The following VPS33B variants were observed in gnomAD, a reference collection of about 807,000 sequenced individuals.
The protein encoded by VPS33B is VPS33B late endosome and lysosome associated.
In VPS33B, 80 loss-of-function variants were observed where a neutral mutation model predicts 95.3. The ratio of observed to expected loss-of-function variants is 0.84; its 90% confidence interval spans 0.70 to 1.01. The LOEUF is 1.01. VPS33B is among the 50% of genes least tolerant of loss of function. The pLI is 0.00. For missense variants in VPS33B, 715 were observed against 773.4 expected (o/e 0.92, Z 0.90); for synonymous variants, 280 against 280.4 (o/e 1.00, Z 0.01).
At position 90,999,124 on chromosome 15, in the gene VPS33B, T is replaced by C. The variant is rs889835630; in HGVS notation, c.1775-70A>G. On this transcript the variant is annotated intron_variant, in intron 22 of 22. Transcript: ENST00000333371. This position sits in a 1 kb window ranked among gnomAD's most constrained non-coding sequence, Gnocchi z 5.1. ...GGCCCCAACGGCAACCCATAGAGCCTCTCCAGTTCCACAGTCCCCACGGGA... is the reference window on the plus strand; with the variant it reads ...GGCCCCAACGGCAACCCATAGAGCCCCTCCAGTTCCACAGTCCCCACGGGA... 21 of 1,450,570 alleles carry C rather than the reference T, an allele frequency of 1.4e-5. No individual in the cohort carries two copies. Among genetic ancestry groups the C allele is most frequent in the Non-Finnish European group, 2.0e-5 (21 of 1,039,374 alleles). The allele number at this position is 1,450,570 out of a possible 1,614,324, so 89.9% of individuals were successfully genotyped here. A position where few individuals can be genotyped will look rare whatever the true frequency, so the allele number is the denominator to read the frequency against.
At chr15:91,014,513 C>T in intron 3 of VPS33B, 80 bp from the exon 4 acceptor site, 1 of 1,519,086 alleles carries the variant, frequency 6.6e-7, no homozygotes, top group Admixed American at 1.7e-5. Context: ...GAAACAATAC[C>T]AACTCTTTTG....
chr15:91,013,824 C>T lies in VPS33B; in HGVS notation c.337G>A (p.Val113Met), dbSNP rs2040846390. 1 of 1,614,052 alleles carries T rather than the reference C, an allele frequency of 6.2e-7. No homozygotes were observed. Among genetic ancestry groups the T allele is most frequent in the South Asian group, 1.1e-5 (1 of 91,086 alleles). ...KLAGRTRKYK[V>M]IFSPQKFYAC... ...CTCACCTTTTGAGGGCTGAAGATCA[C>T]TTTGTATTTGCGAGTTCGGCCAGCC... Residue 113 changes from valine to methionine, a missense_variant, in exon 5 of 23, where the codon GTG becomes ATG. By Grantham distance (21) the Val-to-Met change is conservative. Coordinates refer to ENST00000333371, the MANE Select transcript of VPS33B (RefSeq NM_018668.5). This position sits in a 1 kb window ranked among gnomAD's most constrained non-coding sequence, Gnocchi z 4.5.
Position 91,015,811 on chromosome 15 carries a change from C to T in VPS33B, c.239+1152G>A, listed in dbSNP as rs141552048. Among the ~76,000 whole-genome samples the T allele has an allele frequency of 0.01, 1,550 of 152,216 alleles. 25 individuals are homozygous for T. The highest frequency in any genetic ancestry group is 0.035 in the African/African-American group (1,452 of 41,544). On this transcript the variant is annotated intron_variant, in intron 3 of 22. Coordinates refer to ENST00000333371, the MANE Select transcript of VPS33B (RefSeq NM_018668.5). This position sits in a 1 kb window ranked among gnomAD's most constrained non-coding sequence, Gnocchi z 4.7. Reference sequence around the variant, plus strand: ...CACCACTGCACTCCAGCCTGTGCAACAGAGTGAGACCCTGTCTCTGAAAAT... The same window carrying T: ...CACCACTGCACTCCAGCCTGTGCAATAGAGTGAGACCCTGTCTCTGAAAAT...
In VPS33B at chr15:91,000,896, T is replaced by G. The variant is rs1419189276; in HGVS notation, c.1480-305A>C. 5 of 418,050 alleles carry G rather than the reference T, an allele frequency of 1.2e-5. No individual in the cohort carries two copies. Among genetic ancestry groups the G allele is most frequent in the Non-Finnish European group, 1.8e-5 (4 of 223,114 alleles). 25.9% of individuals were successfully genotyped at this position (418,050 alleles called of 1,614,324 possible). ...TGTCACTGAAGCAGCACTTAGAATA[T>G]TCTCTGGCATTGGCAGGTGCTTGTT... On this transcript the variant is annotated intron_variant, in intron 19 of 22. Coordinates refer to ENST00000333371, the MANE Select transcript of VPS33B (RefSeq NM_018668.5). This position sits in a 1 kb window ranked among gnomAD's most constrained non-coding sequence, Gnocchi z 4.9.
chr15:91,000,058 A>T lies in VPS33B; in HGVS notation c.1582-83T>A, dbSNP rs1053860288. ...AAGGGCACAGCAGCCAGACTGTCAC[A>T]TTTCTTGCTCATTACTCAAGTAGCA... On this transcript the variant is annotated intron_variant, in intron 20 of 22. Coordinates refer to ENST00000333371, the MANE Select transcript of VPS33B (RefSeq NM_018668.5). This position sits in a 1 kb window ranked among gnomAD's most constrained non-coding sequence, Gnocchi z 4.9. 14 of 1,552,822 alleles carry T rather than the reference A, an allele frequency of 9.0e-6. No homozygotes were observed. In the South Asian group the frequency reaches 1.5e-4, roughly 16 times the overall value.
At position 91,010,668 on chromosome 15, in the gene VPS33B, A is replaced by G. The variant is rs1469733918; in HGVS notation, c.358-822T>C. Among the ~76,000 whole-genome samples, 2 of 152,118 alleles carry G rather than the reference A, an allele frequency of 1.3e-5. No individual in the cohort carries two copies. The highest frequency in any genetic ancestry group is 3.8e-4 in the East Asian group (2 of 5,196). ...CACGCAGAGGAGAGCTAAGGACAGG[A>G]CTCTAGGGAACACAAGATGAAAGGG... On this transcript the variant is annotated intron_variant, in intron 5 of 22. Transcript: ENST00000333371. The surrounding 1 kb of genome is among the most constrained non-coding windows in gnomAD (Gnocchi z 5.7).
rs2040828893 is a variant in VPS33B, at chr15:91,013,225, C to G, written c.357+579G>C. Reference sequence around the variant, plus strand: ...GTAGAGGCCTCTTCGCACAATTCCACAATACTTTATTTGGGACAGTATGAT... The same window carrying G: ...GTAGAGGCCTCTTCGCACAATTCCAGAATACTTTATTTGGGACAGTATGAT... On this transcript the variant is annotated intron_variant, in intron 5 of 22. Transcript: ENST00000333371. This position sits in a 1 kb window ranked among gnomAD's most constrained non-coding sequence, Gnocchi z 4.5. 6.6e-6 allele frequency among the ~76,000 whole-genome samples: 1 copy of G among 152,198 alleles called. No homozygotes were observed. The highest frequency in any genetic ancestry group is 2.4e-5 in the African/African-American group (1 of 41,452).
At chr15:91,019,123 T>G (rs1227018715) in intron 1 of VPS33B, among the ~76,000 whole-genome samples, 2 of 143,606 alleles carry the variant, frequency 1.4e-5, no homozygotes, top group African/African-American at 2.7e-5. Context: ...TGTTTTTTTT[T>G]TTTTTTTTTT....
In VPS33B at chr15:91,009,526, C is replaced by T. The variant is rs368975513; in HGVS notation, c.403+275G>A. On this transcript the variant is annotated intron_variant, in intron 6 of 22. Coordinates refer to ENST00000333371, the MANE Select transcript of VPS33B (RefSeq NM_018668.5). The surrounding 1 kb of genome is among the most constrained non-coding windows in gnomAD (Gnocchi z 4.1). The stretch of plus-strand genomic sequence containing the variant: ...TTCACCATGTTGCCCAGGCTGGACT[C>T]AAACTCCTGACCTCAGGTGATCCAC... 2.4e-4 allele frequency among the ~76,000 whole-genome samples: 36 copies of T among 152,198 alleles called. 1 individual carries two copies. In the South Asian group the frequency reaches 6.8e-3, roughly 29 times the overall value.
In VPS33B at chr15:91,010,428, C is replaced by T. The variant is rs565352476; in HGVS notation, c.358-582G>A. Among the ~76,000 whole-genome samples the T allele has an allele frequency of 6.6e-6, 1 of 152,210 alleles. No individual in the cohort carries two copies. Among genetic ancestry groups the T allele is most frequent in the South Asian group, 2.1e-4 (1 of 4,812 alleles). On this transcript the variant is annotated intron_variant, in intron 5 of 22. Coordinates refer to ENST00000333371, the MANE Select transcript of VPS33B (RefSeq NM_018668.5). The surrounding 1 kb of genome is among the most constrained non-coding windows in gnomAD (Gnocchi z 5.7). ...CCAGTCTGGGCAACATAGTGACACC[C>T]CATCTCTACAAAACAATGCAAAAAT...
rs2040756221 is a variant in VPS33B at position 91,010,757 on chromosome 15, G to GA, written c.358-912dup. ...AATACTCAGAGAAGCAGGGGCAGGA[G>GA]AAAACAGCAACAGTCAAGGCAGGAA... is the stretch of plus-strand genomic sequence containing the variant. On this transcript the variant is annotated intron_variant, in intron 5 of 22. Coordinates refer to ENST00000333371, the MANE Select transcript of VPS33B (RefSeq NM_018668.5). The surrounding 1 kb of genome is among the most constrained non-coding windows in gnomAD (Gnocchi z 5.7). Among the ~76,000 whole-genome samples, 1 of 152,206 alleles carries GA rather than the reference G, an allele frequency of 6.6e-6. No individual in the cohort carries two copies. The highest frequency in any genetic ancestry group is 2.4e-5 in the African/African-American group (1 of 41,450).
At position 91,018,360 on chromosome 15, in the gene VPS33B, C is replaced by T. The variant is rs1333760520; in HGVS notation, c.97-475G>A. Among the ~76,000 whole-genome samples the T allele has an allele frequency of 8.5e-5, 13 of 152,262 alleles. No homozygotes were observed. Among genetic ancestry groups the T allele is most frequent in the Admixed American group, 8.5e-4 (13 of 15,280 alleles). ...GACAGTCCTCACCCCATCACCCTTC[C>T]ACTCCCCCACCCCACAATCCCTGTC... On this transcript the variant is annotated intron_variant, in intron 1 of 22. Coordinates refer to ENST00000333371, the MANE Select transcript of VPS33B (RefSeq NM_018668.5). This position sits in a 1 kb window ranked among gnomAD's most constrained non-coding sequence, Gnocchi z 4.7.
rs2040359998 is a variant in VPS33B at position 90,999,183 on chromosome 15, G to A, written c.1775-129C>T. The A allele has an allele frequency of 1.2e-6, 1 of 854,228 alleles. No individual in the cohort carries two copies. The highest frequency in any genetic ancestry group is 1.9e-6 in the Non-Finnish European group (1 of 516,038). 52.9% of individuals were successfully genotyped at this position (854,228 alleles called of 1,614,324 possible). ...CCAGTTTATAGACAGAGACGTGAGT[G>A]CCATGCTCTTGGGCACCACTGCTTT... On this transcript the variant is annotated intron_variant, in intron 22 of 22. Transcript: ENST00000333371. This position sits in a 1 kb window ranked among gnomAD's most constrained non-coding sequence, Gnocchi z 5.1.
At chr15:91,003,626 G>C (rs8029769) in intron 16 of VPS33B, among the ~76,000 whole-genome samples, 3,625 of 152,082 alleles carry the variant, frequency 0.024, 153 homozygotes, top group African/African-American at 0.083. Flanking sequence ...TTTTAGTAGA[G>C]ACAGGGTTTC....
intron 6 of VPS33B, among the ~76,000 whole-genome samples, chr15:91,008,457 G>A (rs2040681010): frequency 6.6e-6 from 1 of 152,118 alleles, no homozygotes; most frequent in Admixed American, 6.6e-5. Context: ...CAGAGACGGG[G>A]TTTTGCCATG....
In VPS33B at chr15:91,006,616, C is replaced by T. The variant is rs201689595; in HGVS notation, c.778+36G>A. 151 of 1,613,624 alleles carry T rather than the reference C, an allele frequency of 9.4e-5. 2 individuals carry two copies. In the African/African-American group the frequency reaches 1.7e-3, roughly 18 times the overall value. ...GGAGGTGCCAAGGCTGATGACCCGT[C>T]CATCTTGCCAAGATGCAGAGGACCA... On this transcript the variant is annotated intron_variant, in intron 10 of 22. Coordinates refer to ENST00000333371, the MANE Select transcript of VPS33B (RefSeq NM_018668.5). The surrounding 1 kb of genome is among the most constrained non-coding windows in gnomAD (Gnocchi z 5.4).
rs1370464657 is a variant in VPS33B at position 91,000,941 on chromosome 15, G to C, written c.1480-350C>G. The C allele has an allele frequency of 2.7e-6, 1 of 376,468 alleles. No homozygotes were observed. Among genetic ancestry groups the C allele is most frequent in the Non-Finnish European group, 5.0e-6 (1 of 198,272 alleles). The allele number at this position is 376,468 out of a possible 1,614,324, so 23.3% of individuals were successfully genotyped here. A position where few individuals can be genotyped will look rare whatever the true frequency, so the allele number is the denominator to read the frequency against. On this transcript the variant is annotated intron_variant, in intron 19 of 22. Coordinates refer to ENST00000333371, the MANE Select transcript of VPS33B (RefSeq NM_018668.5). The surrounding 1 kb of genome is among the most constrained non-coding windows in gnomAD (Gnocchi z 4.9). ...CTTGTTACATGTTGATTAAATGAAT[G>C]AATCTACCATGCTATAAGACTACCA... is the stretch of plus-strand genomic sequence containing the variant.
intron 2 of VPS33B, among the ~76,000 whole-genome samples, chr15:91,017,355 T>C (rs1268507396): frequency 2.2e-5 from 1 of 44,492 alleles, no homozygotes; most frequent in Non-Finnish European, 3.3e-5. Context: ...AGACTCCATC[T>C]CTACAAAATT....
Position 91,002,972 on chromosome 15 carries a change from G to A in VPS33B, c.1272+113C>T. The A allele has an allele frequency of 8.5e-7, 1 of 1,182,910 alleles. No individual in the cohort carries two copies. The highest frequency in any genetic ancestry group is 1.3e-6 in the Non-Finnish European group (1 of 788,508). The allele number at this position is 1,182,910 out of a possible 1,614,324, so 73.3% of individuals were successfully genotyped here. A position where few individuals can be genotyped will look rare whatever the true frequency, so the allele number is the denominator to read the frequency against. ...TAGCTCTAAGAGGGAGGCCTGAATGGAAACAGGAGGGTAATGGAGGCAGGA... is the reference window on the plus strand; with the variant it reads ...TAGCTCTAAGAGGGAGGCCTGAATGAAAACAGGAGGGTAATGGAGGCAGGA... On this transcript the variant is annotated intron_variant, in intron 17 of 22. Coordinates refer to ENST00000333371, the MANE Select transcript of VPS33B (RefSeq NM_018668.5). This position sits in a 1 kb window ranked among gnomAD's most constrained non-coding sequence, Gnocchi z 4.7.
Sources: allele counts gnomAD v4.1 joint callset (sites outside exome capture counted in the v4.1 genomes callset), GRCh38; gene constraint gnomAD v4.1.1; non-coding constraint Gnocchi (gnomAD v3.1); transcripts MANE v1.5; gene names NCBI Gene and HGNC (gene_info 2026-07-23, HGNC 2026-07-21).